The following RUNX1 variants were observed in gnomAD, a reference collection of about 807,000 sequenced individuals.
RUNX1 encodes RUNX family transcription factor 1.
In RUNX1, 19 loss-of-function variants were observed where a neutral mutation model predicts 42.8. The observed-to-expected ratio is 0.44, with a 90% confidence interval of 0.31 to 0.65. The LOEUF is 0.65. Among genes scored for constraint, RUNX1 ranks in the 30% least tolerant of loss-of-function variants. RUNX1 has a pLI of 0.07. For synonymous variants in RUNX1, 271 were observed against 289.4 expected (o/e 0.94, Z 0.64); for missense variants, 528 against 672.0 (o/e 0.79, Z 2.37).
chr21:34,962,108 G>C (rs2058685854), intron 2 of RUNX1, among the ~76,000 whole-genome samples: 1 of 152,150 alleles, frequency 6.6e-6, no homozygotes, highest in African/African-American at 2.4e-5. Context: ...GCCCAGGCTG[G>C]TTTCAAACTC....
At chr21:34,950,712 G>C (rs993175306) in intron 2 of RUNX1, among the ~76,000 whole-genome samples, 3 of 152,156 alleles carry the variant, frequency 2.0e-5, no homozygotes, top group African/African-American at 7.2e-5. Context: ...CTCCAGCCTG[G>C]GAAACAGCTA....
At chr21:34,965,699 C>T (rs1162698101) in intron 2 of RUNX1, among the ~76,000 whole-genome samples, 5 of 152,144 alleles carry the variant, frequency 3.3e-5, no homozygotes, top group Admixed American at 1.3e-4. Flanking sequence ...ATGGGACTCT[C>T]GAGATGAAAA....
intron 6 of RUNX1, among the ~76,000 whole-genome samples, chr21:34,842,514 A>AAT: frequency 6.6e-6 from 1 of 151,556 alleles, no homozygotes; most frequent in Admixed American, 6.6e-5. Context: ...AAAAAAAAAA[A>AAT]ATTAAATCAA....
intron 2 of RUNX1, among the ~76,000 whole-genome samples, chr21:34,958,212 C>A (rs774803597): frequency 1.1e-4 from 17 of 152,118 alleles, no homozygotes; most frequent in Non-Finnish European, 2.1e-4. Flanking sequence ...CTAGACACTG[C>A]CAGCGCCCAG....
At chr21:35,040,752 A>T (rs997750116) in intron 2 of RUNX1, among the ~76,000 whole-genome samples, 1 of 143,828 alleles carries the variant, frequency 7.0e-6, no homozygotes, top group Non-Finnish European at 1.5e-5. Context: ...GCCTGGTGAC[A>T]GAGCTAGTAG....
At chr21:34,903,028 CTGT>C (rs1468555234) in intron 2 of RUNX1, among the ~76,000 whole-genome samples, 2 of 152,154 alleles carry the variant, frequency 1.3e-5, no homozygotes, top group African/African-American at 4.8e-5. Flanking sequence ...TAAGTATTGC[CTGT>C]TTTAAAAAGC....
intron 5 of RUNX1, among the ~76,000 whole-genome samples, chr21:34,877,745 C>T (rs555109099): frequency 3.3e-5 from 5 of 152,182 alleles, no homozygotes; most frequent in Non-Finnish European, 7.3e-5. Context: ...CAGATAGATT[C>T]GTTTTGTAGA....
Position 34,907,347 on chromosome 21 carries a change from T to TTAA in RUNX1, c.59-14387_59-14385dup, listed in dbSNP as rs929141204. On this transcript the variant is annotated intron_variant, in intron 2 of 8. Transcript: ENST00000675419. The surrounding 1 kb of genome is among the most constrained non-coding windows in gnomAD (Gnocchi z 5.3). ...TAGGTTGTGACCCATAGATTGGTTG[T>TTAA]TAATAATAATAATAACAAAAGCAAG... 3.3e-5 allele frequency among the ~76,000 whole-genome samples: 5 copies of TTAA among 152,118 alleles called. No individual in the cohort carries two copies. Among genetic ancestry groups the TTAA allele is most frequent in the African/African-American group, 1.2e-4 (5 of 41,414 alleles).
chr21:35,048,860 G>C lies in RUNX1; in HGVS notation c.40C>G (p.Pro14Ala), dbSNP rs1189256233. The C allele has an allele frequency of 6.2e-7, 1 of 1,613,798 alleles. No individual in the cohort carries two copies. Among genetic ancestry groups the C allele is most frequent in the East Asian group, 2.2e-5 (1 of 44,866 alleles). ...DSIFESFPSY[P>A]QCFMRECILG... ...TACTCACCTCTCATGAAGCACTGTG[G>C]GTACGAAGGAAATGACTCAAATATG... Residue 14 changes from proline to alanine, a missense_variant, in exon 2 of 9, where the codon CCA (proline) becomes GCA (alanine). Physicochemically the swap from Pro to Ala is conservative, Grantham distance 27 (BLOSUM62 -1). This residue lies in a region of RUNX1 where 114 missense variants were observed against 115.0 expected (regional missense o/e 0.99). Transcript: ENST00000675419.
At chr21:34,986,956 C>T (rs1274373456) in intron 2 of RUNX1, among the ~76,000 whole-genome samples, 1 of 152,198 alleles carries the variant, frequency 6.6e-6, no homozygotes, top group African/African-American at 2.4e-5. Context: ...TCCCAGGAGG[C>T]CATGTTGTCC....
intron 6 of RUNX1, 57 bp downstream of exon 6, chr21:34,859,417 C>T (rs766107899): frequency 2.2e-5 from 28 of 1,269,850 alleles, no homozygotes; most frequent in Middle Eastern, 1.9e-4. Context: ...CTGAGTATAC[C>T]AGCCTGGAGG....
intron 7 of RUNX1, among the ~76,000 whole-genome samples, chr21:34,816,255 C>G (rs966586620): frequency 2.0e-5 from 3 of 152,222 alleles, no homozygotes; most frequent in African/African-American, 4.8e-5. Context: ...TCATGCACCC[C>G]TTTCTCTGCA....
intron 2 of RUNX1, among the ~76,000 whole-genome samples, chr21:34,969,042 C>G (rs1417676989): frequency 3.3e-5 from 5 of 152,160 alleles, no homozygotes; most frequent in Non-Finnish European, 5.9e-5. Flanking sequence ...TATTACAGGT[C>G]TCCTTCAGTG....
In RUNX1 at chr21:34,948,214, T is replaced by A. The variant is rs1022810477; in HGVS notation, c.59-55251A>T. ...TATAAATTAAAAAGCCAAACATCAA[T>A]AAGCCAAACATCAATAGCAACGGCA... is the stretch of plus-strand genomic sequence containing the variant. On this transcript the variant is annotated intron_variant, in intron 2 of 8. Transcript: ENST00000675419. Among the ~76,000 whole-genome samples, 7 of 151,492 alleles carry A rather than the reference T, an allele frequency of 4.6e-5. No individual in the cohort carries two copies. The East Asian group carries it at 1.4e-3, about 29-fold the overall frequency.
In RUNX1 at chr21:35,040,770, CCAAAA is replaced by C. The variant is rs1289840439; in HGVS notation, c.58+8067_58+8071del. Among the ~76,000 whole-genome samples the C allele has an allele frequency of 5.6e-3, 288 of 50,988 alleles. 1 individual carries two copies. Among genetic ancestry groups the C allele is most frequent in the Admixed American group, 0.018 (70 of 3,892 alleles). 33.5% of individuals were successfully genotyped at this position (50,988 alleles called of 152,430 possible). A position where few individuals can be genotyped will look rare whatever the true frequency, so the allele number is the denominator to read the frequency against. On this transcript the variant is annotated intron_variant, in intron 2 of 8. Transcript: ENST00000675419. ...TGGTGACAGAGCTAGTAGACTCCATCCAAAAAAAAAAAAAAAAAAAAAAACCAACA... is the reference window on the plus strand; with the variant it reads ...TGGTGACAGAGCTAGTAGACTCCATCAAAAAAAAAAAAAAAAAAACCAACA...
rs1488073003 is a variant in RUNX1, at chr21:34,789,925, CAT to C, written c.*2208_*2209del. On this transcript the variant is annotated 3_prime_UTR_variant, in exon 9 of 9. Transcript: ENST00000675419. Reference sequence around the variant, plus strand: ...CATTTTTGCAGGTCAGACATGGTAACATGTGCTGAAAAAAAACATTTACGTTT... The same window carrying C: ...CATTTTTGCAGGTCAGACATGGTAACGTGCTGAAAAAAAACATTTACGTTT... 13 of 232,758 alleles carry C rather than the reference CAT, an allele frequency of 5.6e-5. No individual in the cohort carries two copies. Among genetic ancestry groups the C allele is most frequent in the East Asian group, 1.8e-4 (3 of 16,546 alleles). 14.4% of individuals were successfully genotyped at this position (232,758 alleles called of 1,614,324 possible).
intron 2 of RUNX1, among the ~76,000 whole-genome samples, chr21:34,973,983 G>C (rs547516306): frequency 6.6e-6 from 1 of 152,116 alleles, no homozygotes; most frequent in Admixed American, 6.5e-5. Flanking sequence ...CTGATGAATC[G>C]GAATTTTGGC....
At chr21:34,884,692 T>C (rs185650128) in intron 4 of RUNX1, among the ~76,000 whole-genome samples, 349 of 152,344 alleles carry the variant, frequency 2.3e-3, no homozygotes, top group Middle Eastern at 0.021. Flanking sequence ...TCTACTCTTC[T>C]AGTTATGCAG....
intron 3 of RUNX1, 161 bp from the exon 4 acceptor site, chr21:34,887,257 G>A: frequency 7.6e-7 from 1 of 1,309,544 alleles, no homozygotes; most frequent in Non-Finnish European, 9.9e-7. Context: ...GGGGGCGGGG[G>A]TGGTTAGGGG....
Sources: allele counts gnomAD v4.1 joint callset (sites outside exome capture counted in the v4.1 genomes callset), GRCh38; gene constraint gnomAD v4.1.1; regional missense constraint gnomAD v4.1.1; non-coding constraint Gnocchi (gnomAD v3.1); transcripts MANE v1.5; gene names NCBI Gene and HGNC (gene_info 2026-07-23, HGNC 2026-07-21).